DCDC2C: variants seen among roughly 807,000 people sequenced by gnomAD.
DCDC2C encodes the protein doublecortin domain-containing protein 2C.
DCDC2C carries 44 observed loss-of-function variants against 45.0 expected under a neutral mutation model. That is an observed-to-expected ratio of 0.98 (90% CI 0.77 to 1.26). The LOEUF (loss-of-function observed/expected upper bound fraction) is 1.26. Ranked by LOEUF, DCDC2C falls within the 50% of genes most tolerant of loss-of-function variation. The pLI is 0.00. For missense variants in DCDC2C, 447 were observed against 468.9 expected (o/e 0.95, Z 0.43); for synonymous variants, 187 against 178.8 (o/e 1.05, Z -0.37).
chr2:3,777,763 C>T (rs967205016), intron 8 of DCDC2C, among the ~76,000 whole-genome samples: 3 of 152,310 alleles, frequency 2.0e-5, no homozygotes, highest in Non-Finnish European at 4.4e-5. Flanking sequence ...TGCCTCGCCA[C>T]GGAACACTGT....
rs1033508343 is a variant in DCDC2C, at chr2:3,734,433, G to A, written c.416+7354G>A. On this transcript the variant is annotated intron_variant, in intron 3 of 10. Transcript: ENST00000399143. The surrounding 1 kb of genome is among the most constrained non-coding windows in gnomAD (Gnocchi z 4.2). ...GACAATCATCTGATGTTGGTGACACGGGTGTCACTAACATCCACTAACTAA... is the reference window on the plus strand; with the variant it reads ...GACAATCATCTGATGTTGGTGACACAGGTGTCACTAACATCCACTAACTAA... Among the ~76,000 whole-genome samples, 1 of 152,156 alleles carries A rather than the reference G, an allele frequency of 6.6e-6. No homozygotes were observed. Among genetic ancestry groups the A allele is most frequent in the African/African-American group, 2.4e-5 (1 of 41,444 alleles).
rs1209208806 is a variant in DCDC2C, at chr2:3,703,868, C to T, written c.117C>T (p.Arg39=). 2.3e-6 allele frequency: 3 copies of T among 1,293,686 alleles called. No homozygotes were observed. Among genetic ancestry groups the T allele is most frequent in the Non-Finnish European group, 3.0e-6 (3 of 1,016,096 alleles). The allele number at this position is 1,293,686 out of a possible 1,614,324, so 80.1% of individuals were successfully genotyped here. A position where few individuals can be genotyped will look rare whatever the true frequency, so the allele number is the denominator to read the frequency against. ...AGAAGTTCGTGCTGTCGCGGCGCCGCGCGGCCACCTTCGAGGCGCTGCTGG... is the reference window on the plus strand; with the variant it reads ...AGAAGTTCGTGCTGTCGCGGCGCCGTGCGGCCACCTTCGAGGCGCTGCTGG... ...VGKKFVLSRR[R]AATFEALLEQ... The change falls in exon 1 of 11, where the codon CGC becomes CGT. Residue 39 remains arginine, a synonymous_variant. Coordinates refer to ENST00000399143, the MANE Select transcript of DCDC2C (RefSeq NM_001287444.2). The surrounding 1 kb of genome is among the most constrained non-coding windows in gnomAD (Gnocchi z 4.4).
chr2:3,769,779 G>A (rs552031448), intron 8 of DCDC2C, among the ~76,000 whole-genome samples: 1 of 152,336 alleles, frequency 6.6e-6, no homozygotes, highest in African/African-American at 2.4e-5. Context: ...CCGGCATGGA[G>A]GAGGCCTTAG....
At chr2:3,750,074 G>A (rs146095488) in intron 4 of DCDC2C, among the ~76,000 whole-genome samples, 1 of 147,236 alleles carries the variant, frequency 6.8e-6, no homozygotes, top group African/African-American at 2.5e-5. Context: ...CATTCTGCTC[G>A]GCACCCAGAA....
intron 8 of DCDC2C, among the ~76,000 whole-genome samples, chr2:3,777,749 C>G (rs12711973): frequency 0.23 from 34,255 of 152,128 alleles, 4,022 homozygotes; most frequent in South Asian, 0.36. Flanking sequence ...CATACCTACA[C>G]GTCTGCCTCG....
intron 10 of DCDC2C, 26 bp downstream of exon 10, chr2:3,785,126 G>A (rs1310446685): frequency 8.1e-7 from 1 of 1,231,296 alleles, no homozygotes; most frequent in Non-Finnish European, 1.0e-6. Context: ...AAATGCTGTA[G>A]TTTTGCGTTT....
intron 2 of DCDC2C, 80 bp downstream of exon 2, chr2:3,708,680 T>A: frequency 8.7e-7 from 1 of 1,147,502 alleles, no homozygotes; most frequent in Non-Finnish European, 1.3e-6. Flanking sequence ...ACGGAATAAT[T>A]GAAGTTTCAC....
intron 2 of DCDC2C, among the ~76,000 whole-genome samples, chr2:3,724,986 G>A (rs563588575): frequency 2.0e-5 from 3 of 152,280 alleles, no homozygotes; most frequent in Non-Finnish European, 2.9e-5. Flanking sequence ...GGTCTGGGTT[G>A]GGAAGGGAGA....
intron 9 of DCDC2C, among the ~76,000 whole-genome samples, chr2:3,781,622 G>A (rs1238592719): frequency 2.0e-5 from 3 of 152,280 alleles, no homozygotes; most frequent in Non-Finnish European, 2.9e-5. Context: ...CAATTTGGGC[G>A]GCTAATGCAG....
intron 8 of DCDC2C, among the ~76,000 whole-genome samples, chr2:3,773,440 T>A (rs1369740512): frequency 2.6e-5 from 4 of 152,210 alleles, no homozygotes; most frequent in Non-Finnish European, 5.9e-5. Context: ...ATGGCCTGTG[T>A]GCCTGCTGCC....
intron 8 of DCDC2C, among the ~76,000 whole-genome samples, chr2:3,777,282 C>A (rs1417434615): frequency 1.3e-5 from 2 of 152,194 alleles, no homozygotes; most frequent in Non-Finnish European, 2.9e-5. Context: ...CTATTACATT[C>A]TCTTTCTGTT....
chr2:3,833,493 T>A (rs1672001516), intron 10 of DCDC2C, among the ~76,000 whole-genome samples: 1 of 152,236 alleles, frequency 6.6e-6, no homozygotes. Flanking sequence ...GTGTGCCATA[T>A]ACCATTTCCA....
At chr2:3,831,863 A>C (rs1383137529) in intron 10 of DCDC2C, among the ~76,000 whole-genome samples, 1 of 152,216 alleles carries the variant, frequency 6.6e-6, no homozygotes, top group Non-Finnish European at 1.5e-5. Context: ...TGTGATGTTG[A>C]ATGAGAAAAG....
intron 6 of DCDC2C, among the ~76,000 whole-genome samples, chr2:3,765,561 C>T (rs1396663489): frequency 1.3e-5 from 2 of 152,148 alleles, no homozygotes; most frequent in Non-Finnish European, 2.9e-5. Flanking sequence ...GATGTCTTCC[C>T]AAGGCTGTGG....
intron 2 of DCDC2C, among the ~76,000 whole-genome samples, chr2:3,719,012 G>A (rs1313632860): frequency 2.0e-5 from 3 of 151,976 alleles, no homozygotes; most frequent in African/African-American, 7.3e-5. Flanking sequence ...GTCCCCACTC[G>A]ACCCAGGAAG....
In DCDC2C at chr2:3,703,807, T is replaced by C; in HGVS notation, c.56T>C (p.Val19Ala). The part of the protein sequence containing the change: ...PVDTTPAKTI[V>A]VYRNGDPFYV... ...GACACCACGCCCGCCAAGACCATCG[T>C]GGTGTACCGCAACGGGGACCCGTTC... Residue 19 changes from valine (V) to alanine (A), a missense_variant, in exon 1 of 11, where the codon GTG becomes GCG. Val to Ala is a moderately conservative substitution (Grantham distance 64). Transcript: ENST00000399143. The surrounding 1 kb of genome is among the most constrained non-coding windows in gnomAD (Gnocchi z 4.4). 1 of 1,255,708 alleles carries C rather than the reference T, an allele frequency of 8.0e-7. No homozygotes were observed. The highest frequency in any genetic ancestry group is 1.5e-5 in the African/African-American group (1 of 64,558). 77.8% of individuals were successfully genotyped at this position (1,255,708 alleles called of 1,614,324 possible).
intron 9 of DCDC2C, among the ~76,000 whole-genome samples, chr2:3,780,269 C>T (rs58492099): frequency 1.3e-5 from 2 of 152,002 alleles, no homozygotes; most frequent in African/African-American, 4.8e-5. Flanking sequence ...AGAGGGTGCT[C>T]TTATGTGAAT....
intron 4 of DCDC2C, among the ~76,000 whole-genome samples, chr2:3,747,233 C>T (rs919196113): frequency 8.5e-5 from 13 of 152,216 alleles, no homozygotes; most frequent in African/African-American, 3.1e-4. Context: ...CTTCCCGCCT[C>T]GGTTTCTGTG....
At chr2:3,770,489 T>A (rs1353152199) in intron 8 of DCDC2C, among the ~76,000 whole-genome samples, 1 of 152,260 alleles carries the variant, frequency 6.6e-6, no homozygotes, top group Non-Finnish European at 1.5e-5. Context: ...CTGTCATATT[T>A]TCTAAATTTC....
Sources: allele counts gnomAD v4.1 joint callset (sites outside exome capture counted in the v4.1 genomes callset), GRCh38; gene constraint gnomAD v4.1.1; non-coding constraint Gnocchi (gnomAD v3.1); transcripts MANE v1.5; gene names NCBI Gene and HGNC (gene_info 2026-07-23, HGNC 2026-07-21).